WDR38: variants seen among roughly 807,000 people sequenced by gnomAD.
The protein encoded by WDR38 is WD repeat-containing protein 38.
Under a neutral mutation model 36.6 loss-of-function variants are expected in WDR38, and 37 were observed. That is an observed-to-expected ratio of 1.01 (90% CI 0.78 to 1.33). The LOEUF (loss-of-function observed/expected upper bound fraction) is 1.33, where lower values mean the gene tolerates loss of function less well. Among genes scored for constraint, WDR38 ranks in the 40% most tolerant of loss-of-function variants. The pLI is 0.00. For synonymous variants in WDR38, 164 were observed against 168.1 expected (o/e 0.98, Z 0.19); for missense variants, 411 against 414.6 (o/e 0.99, Z 0.07).
intron 7 of WDR38, 44 bp downstream of exon 7, chr9:124,856,925 C>T: frequency 1.2e-6 from 2 of 1,609,568 alleles, no homozygotes; most frequent in Non-Finnish European, 1.7e-6. Context: ...CCCATCCTCA[C>T]CCCACCAGGA....
chr9:124,857,708 G>A lies in WDR38; in HGVS notation c.*78G>A, dbSNP rs1411132922. On this transcript the variant is annotated 3_prime_UTR_variant, in exon 9 of 9. Coordinates refer to ENST00000373574, the MANE Select transcript of WDR38 (RefSeq NM_001045476.3). ...AGGCATGCCGCTTCTCCCCACAGACGCAAAGTGACTGTGCTGGCATCCAGC... is the reference window on the plus strand; with the variant it reads ...AGGCATGCCGCTTCTCCCCACAGACACAAAGTGACTGTGCTGGCATCCAGC... 4.0e-5 allele frequency: 63 copies of A among 1,588,926 alleles called. No homozygotes were observed. Among genetic ancestry groups the A allele is most frequent in the Admixed American group, 6.8e-5 (4 of 58,832 alleles).
At chr9:124,854,844 G>A (rs377262874) in intron 2 of WDR38, among the ~76,000 whole-genome samples, 2 of 152,204 alleles carry the variant, frequency 1.3e-5, no homozygotes, top group Non-Finnish European at 2.9e-5. Context: ...GATTAAAGGC[G>A]TGAGCCACTG....
chr9:124,857,404 C>T lies in WDR38; in HGVS notation c.809C>T (p.Thr270Ile). 1 of 1,614,136 alleles carries T rather than the reference C, an allele frequency of 6.2e-7. No homozygotes were observed. The highest frequency in any genetic ancestry group is 2.2e-5 in the East Asian group (1 of 44,874). The change falls in exon 8 of 9, where the codon ACC becomes ATC. Residue 270 changes from threonine (T) to isoleucine (I), a missense_variant. Coordinates refer to ENST00000373574, the MANE Select transcript of WDR38 (RefSeq NM_001045476.3). ...WDCNTGKCLE[T>I]LKGVLDVAHT... ...TGCAACACAGGAAAGTGCCTTGAGA[C>T]CCTGAAGGTAAGGCACGGCGCTGTG...
In WDR38 at chr9:124,855,750, GGTGA is replaced by G; in HGVS notation, c.307+6_307+9del. On this transcript the variant is annotated splice_donor_variant and splice_donor_region_variant and intron_variant, in intron 3 of 8. Transcript: ENST00000373574. LOFTEE classifies it high-confidence loss of function. ...AGCGAAGTGTCTGCGGGTCCTGAAG[GGTGA>G]GTGAGCTGGGAGCCAAGCAGCCAGG... 2 of 1,613,234 alleles carry G rather than the reference GGTGA, an allele frequency of 1.2e-6. No homozygotes were observed. The highest frequency in any genetic ancestry group is 1.1e-5 in the South Asian group (1 of 91,082).
intron 5 of WDR38, 60 bp from the exon 6 acceptor site, chr9:124,856,409 C>G (rs978162502): frequency 1.2e-6 from 2 of 1,612,042 alleles, no homozygotes; most frequent in Admixed American, 1.7e-5. Flanking sequence ...CTCTGGGTCC[C>G]GCCTAGATGC....
rs748364884 is a variant in WDR38 at position 124,855,624 on chromosome 9, A to AC, written c.191-7dup. 1 of 1,606,426 alleles carries AC rather than the reference A, an allele frequency of 6.2e-7. No individual in the cohort carries two copies. Among genetic ancestry groups the AC allele is most frequent in the East Asian group, 2.2e-5 (1 of 44,870 alleles). On this transcript the variant is annotated splice_polypyrimidine_tract_variant and intron_variant, in intron 2 of 8. Transcript: ENST00000373574. ...AGTGCTCTGTCCCCTGACTGTGGCC[A>AC]CCCGCCCAGGCCCCGTGAAGTTCTG...
At position 124,856,254 on chromosome 9, in the gene WDR38, G is replaced by A; in HGVS notation, c.420G>A (p.Leu140=). Residue 140 remains leucine, a synonymous_variant, in exon 5 of 9, where the codon CTG becomes CTA. Coordinates refer to ENST00000373574, the MANE Select transcript of WDR38 (RefSeq NM_001045476.3). ...MLWDVQSGQM[L]RLLVGHRDSI... is the part of the protein sequence containing the mutation. ...GCTCTCTCTAGTCCGGCCAGATGCT[G>A]CGCCTCTTAGTTGGGCACCGTGACT... 6.2e-7 allele frequency: 1 copy of A among 1,614,166 alleles called. No homozygotes were observed. Among genetic ancestry groups the A allele is most frequent in the Non-Finnish European group, 8.5e-7 (1 of 1,180,040 alleles).
At position 124,854,222 on chromosome 9, in the gene WDR38, C is replaced by T. The variant is rs939308639; in HGVS notation, c.87C>T (p.Phe29=). The T allele has an allele frequency of 5.0e-6, 8 of 1,614,044 alleles. No individual in the cohort carries two copies. The highest frequency in any genetic ancestry group is 6.8e-6 in the Non-Finnish European group (8 of 1,180,008). ...GTTTCTAGGTCAACTCTTCTGCCTTCTCCCCTGATGGCCAGATGCTGCTCA... is the reference window on the plus strand; with the variant it reads ...GTTTCTAGGTCAACTCTTCTGCCTTTTCCCCTGATGGCCAGATGCTGCTCA... The part of the protein sequence containing the change: ...QHGGEVNSSA[F]SPDGQMLLTG... Residue 29 remains phenylalanine (F), a synonymous_variant, in exon 2 of 9, where the codon TTC becomes TTT. Coordinates refer to ENST00000373574, the MANE Select transcript of WDR38 (RefSeq NM_001045476.3).
Position 124,854,314 on chromosome 9 carries a change from G to T in WDR38, c.179G>T (p.Gly60Val), listed in dbSNP as rs1176521767. Reference protein sequence around the residue: ...TRSGQLLWRLGGHTGPVKFCR... With the variant: ...TRSGQLLWRLVGHTGPVKFCR... ...AGTGGGCAGCTGCTGTGGAGGCTGG[G>T]TGGCCACACAGGTGGGGCTCCCACA... Residue 60 changes from glycine to valine, a missense_variant, in exon 2 of 9, where the codon GGT becomes GTT. Physicochemically the swap from Gly to Val is moderately radical, Grantham distance 109 (BLOSUM62 -3). Transcript: ENST00000373574. The T allele has an allele frequency of 1.9e-6, 3 of 1,613,744 alleles. No individual in the cohort carries two copies. The highest frequency in any genetic ancestry group is 3.3e-4 in the Middle Eastern group (2 of 6,084).
Position 124,856,309 on chromosome 9 carries a change from G to A in WDR38, c.475G>A (p.Val159Met). The A allele has an allele frequency of 6.2e-7, 1 of 1,614,194 alleles. No homozygotes were observed. The highest frequency in any genetic ancestry group is 8.5e-7 in the Non-Finnish European group (1 of 1,180,038). Residue 159 changes from valine (V) to methionine (M), a missense_variant, in exon 5 of 9, where the codon GTG becomes ATG. Coordinates refer to ENST00000373574, the MANE Select transcript of WDR38 (RefSeq NM_001045476.3). ...CCAGAGCAGCGACTTCTCACCCACGGTGAACTGCCTGGTGAGCCTACCCTC... is the reference window on the plus strand; with the variant it reads ...CCAGAGCAGCGACTTCTCACCCACGATGAACTGCCTGGTGAGCCTACCCTC... The part of the protein sequence containing the change: ...SIQSSDFSPT[V>M]NCLATGSWDS...
At chr9:124,854,124 T>TG (rs1828981437) in intron 1 of WDR38, 81 bp from the exon 2 acceptor site, 4 of 1,586,242 alleles carry the variant, frequency 2.5e-6, no homozygotes, top group Middle Eastern at 1.7e-4. Context: ...CCCAGGCTCT[T>TG]GGGGGGCAGT....
At position 124,857,621 on chromosome 9, in the gene WDR38, T is replaced by G. The variant is rs777108646; in HGVS notation, c.936T>G (p.Pro312=). ...GCACGTCCAAATCACCCAGGGACCC[T>G]CAAACCTAACACCAACCACCTTAGA... ...ISRTSKSPRD[P]QT Residue 312 remains proline, a synonymous_variant, in exon 9 of 9, where the codon CCT becomes CCG. Coordinates refer to ENST00000373574, the MANE Select transcript of WDR38 (RefSeq NM_001045476.3). 3 of 1,613,824 alleles carry G rather than the reference T, an allele frequency of 1.9e-6. No homozygotes were observed. Among genetic ancestry groups the G allele is most frequent in the Admixed American group, 1.7e-5 (1 of 59,998 alleles).
At position 124,856,601 on chromosome 9, in the gene WDR38, G is replaced by C. The variant is rs750165616; in HGVS notation, c.618+1G>C. ...GTGCTATTCAGCATCCGGCCTCCTG[G>C]TAAGTGGGGTGTCCTGGGTTCCAGG... On this transcript the variant is annotated splice_donor_variant, in intron 6 of 8. Transcript: ENST00000373574. LOFTEE classifies it high-confidence loss of function. The C allele has an allele frequency of 1.2e-6, 2 of 1,613,836 alleles. No homozygotes were observed. Among genetic ancestry groups the C allele is most frequent in the Non-Finnish European group, 1.7e-6 (2 of 1,179,924 alleles).
chr9:124,856,330 C>T lies in WDR38; in HGVS notation c.486+10C>T. The T allele has an allele frequency of 1.9e-6, 3 of 1,614,146 alleles. No homozygotes were observed. Among genetic ancestry groups the T allele is most frequent in the Non-Finnish European group, 2.5e-6 (3 of 1,180,034 alleles). On this transcript the variant is annotated intron_variant, in intron 5 of 8. Transcript: ENST00000373574. ...CACGGTGAACTGCCTGGTGAGCCTA[C>T]CCTCTGCCCTGGGCCCCACCTCAGT... is the stretch of plus-strand genomic sequence containing the variant.
At chr9:124,853,822 G>A (rs1278492124) in intron 1 of WDR38, among the ~76,000 whole-genome samples, 1 of 152,218 alleles carries the variant, frequency 6.6e-6, no homozygotes, top group Non-Finnish European at 1.5e-5. Flanking sequence ...TGTAAAAAGA[G>A]CCCCGGGCTC....
rs1829045095 is a variant in WDR38 at position 124,855,880 on chromosome 9, G to A, written c.327G>A (p.Glu109=). ...CTGCAGGTCACCAACGGAGTGTGGA[G>A]ACGGTCAGCTTCAGCCCTGACTCGA... The part of the protein sequence containing the change: ...RVLKGHQRSV[E]TVSFSPDSRQ... Residue 109 remains glutamate, a synonymous_variant, in exon 4 of 9, where the codon GAG becomes GAA. Transcript: ENST00000373574. The A allele has an allele frequency of 3.1e-6, 5 of 1,614,050 alleles. No individual in the cohort carries two copies. Among genetic ancestry groups the A allele is most frequent in the Non-Finnish European group, 4.2e-6 (5 of 1,180,032 alleles).
rs1334036193 is a variant in WDR38 at position 124,853,522 on chromosome 9, C to A, written c.-10C>A. On this transcript the variant is annotated 5_prime_UTR_variant, in exon 1 of 9. Coordinates refer to ENST00000373574, the MANE Select transcript of WDR38 (RefSeq NM_001045476.3). ...GGGAGCCCGCCGGGGCGGGGCGGGG[C>A]CGGGTGCCCATGAACAGCGGGGTCC... 10 of 1,243,254 alleles carry A rather than the reference C, an allele frequency of 8.0e-6. No homozygotes were observed. Among genetic ancestry groups the A allele is most frequent in the Admixed American group, 4.2e-5 (1 of 23,724 alleles). The allele number at this position is 1,243,254 out of a possible 1,614,324, so 77.0% of individuals were successfully genotyped here.
chr9:124,856,205 CTCTGCTGCCT>C (rs760143405), intron 4 of WDR38, 25 bp from the exon 5 acceptor site: 146 of 1,613,744 alleles, frequency 9.0e-5, no homozygotes, highest in Non-Finnish European at 1.0e-4. Flanking sequence ...GCCGGCTGCC[CTCTGCTGCCT>C]TCTGCAGCTC....
chr9:124,855,837 C>T (rs777959046), intron 3 of WDR38, 24 bp from the exon 4 acceptor site: 5 of 1,614,012 alleles, frequency 3.1e-6, no homozygotes, highest in East Asian at 2.2e-5. Context: ...TCCACCTTCC[C>T]CGACCCCGGG....
Sources: allele counts gnomAD v4.1 joint callset (sites outside exome capture counted in the v4.1 genomes callset), GRCh38; gene constraint gnomAD v4.1.1; transcripts MANE v1.5; gene names NCBI Gene and HGNC (gene_info 2026-07-23, HGNC 2026-07-21).